Variants in NUDT3 observed in about 807,000 individuals in gnomAD.
The protein encoded by NUDT3 is diphosphoinositol polyphosphate phosphohydrolase 1.
A neutral mutation model predicts 23.6 loss-of-function variants in NUDT3; 9 were observed. The observed-to-expected ratio is 0.38, with a 90% CI of 0.23 to 0.66. NUDT3 has a LOEUF of 0.66. NUDT3 is among the 30% of genes least tolerant of loss of function. The probability of loss-of-function intolerance (pLI) is 0.52; values close to 1 mark genes in which losing one functional copy is unlikely to be tolerated. For synonymous variants in NUDT3, 86 were observed against 82.6 expected (o/e 1.04, Z -0.22); for missense variants, 172 against 218.5 (o/e 0.79, Z 1.34).
At chr6:34,382,344 A>C (rs1765033876) in intron 1 of NUDT3, among the ~76,000 whole-genome samples, 1 of 152,098 alleles carries the variant, frequency 6.6e-6, no homozygotes, top group Admixed American at 6.6e-5. Flanking sequence ...TTGGGGCTGC[A>C]TTGAGCTATG....
rs1387068644 is a variant in NUDT3 at position 34,293,513 on chromosome 6, G to A, written c.278C>T (p.Thr93Met). ...IFENQERKHR[T>M]YVYVLIVTEV... ...AGTGACAATGAGCACATAGACATAC[G>A]TCCTGTGCTTCCTCTCCTGGTTCTG... Residue 93 changes from threonine (T) to methionine (M), a missense_variant, in exon 4 of 5, where the codon ACG becomes ATG. By Grantham distance (81) the Thr-to-Met change is moderately conservative. Coordinates refer to ENST00000607016, the MANE Select transcript of NUDT3 (RefSeq NM_006703.4). The A allele has an allele frequency of 1.9e-6, 3 of 1,614,144 alleles. No homozygotes were observed. The highest frequency in any genetic ancestry group is 2.5e-6 in the Non-Finnish European group (3 of 1,180,002).
At chr6:34,300,206 T>C (rs1487786167) in intron 2 of NUDT3, among the ~76,000 whole-genome samples, 1 of 152,180 alleles carries the variant, frequency 6.6e-6, no homozygotes, top group Non-Finnish European at 1.5e-5. Flanking sequence ...ATGTGGGTGA[T>C]GGCCCTTTGA....
intron 4 of NUDT3, among the ~76,000 whole-genome samples, chr6:34,289,831 G>A (rs1053214599): frequency 1.2e-4 from 18 of 151,856 alleles, no homozygotes; most frequent in African/African-American, 4.1e-4. Context: ...TTATAAACCA[G>A]AAAAAACCAC....
At chr6:34,336,334 C>A (rs1764209044) in intron 2 of NUDT3, among the ~76,000 whole-genome samples, 1 of 152,046 alleles carries the variant, frequency 6.6e-6, no homozygotes, top group South Asian at 2.1e-4. Flanking sequence ...TGTTGCTGCT[C>A]CTAATCCCTG....
Position 34,351,198 on chromosome 6 carries a change from TAAAAAAAAAAAA to T in NUDT3, c.100-9238_100-9227del, listed in dbSNP as rs71000051. ...GACCTCGTCTCTACACTCCCCTGCC[TAAAAAAAAAAAA>T]AAAAAAAAAAAAAAAACACTTTGGG... On this transcript the variant is annotated intron_variant, in intron 1 of 4. Transcript: ENST00000607016. Among the ~76,000 whole-genome samples the T allele has an allele frequency of 2.4e-3, 43 of 17,894 alleles. 4 individuals are homozygous for T. Among genetic ancestry groups the T allele is most frequent in the Non-Finnish European group, 3.4e-3 (30 of 8,852 alleles). The allele number at this position is 17,894 out of a possible 152,430, so 11.7% of individuals were successfully genotyped here.
chr6:34,330,218 T>C (rs961213069), intron 2 of NUDT3, among the ~76,000 whole-genome samples: 6 of 152,222 alleles, frequency 3.9e-5, no homozygotes, highest in African/African-American at 1.4e-4. Context: ...CCTTGAAGAA[T>C]CACCATGCTG....
chr6:34,384,821 C>A (rs1765078383), intron 1 of NUDT3, among the ~76,000 whole-genome samples: 1 of 150,940 alleles, frequency 6.6e-6, no homozygotes. Context: ...CGCTTGAGCT[C>A]AGGAGTTCAA....
At chr6:34,323,046 C>T (rs1159941529) in intron 2 of NUDT3, among the ~76,000 whole-genome samples, 1 of 152,058 alleles carries the variant, frequency 6.6e-6, no homozygotes, top group African/African-American at 2.4e-5. Flanking sequence ...GGGAGTTAAA[C>T]ACTGGGTACA....
chr6:34,379,381 G>A (rs933132463), intron 1 of NUDT3, among the ~76,000 whole-genome samples: 4 of 151,744 alleles, frequency 2.6e-5, no homozygotes, highest in African/African-American at 7.3e-5. Context: ...CCAACATGGC[G>A]AAACCCCATC....
intron 2 of NUDT3, among the ~76,000 whole-genome samples, chr6:34,297,741 ATATATATATATATATATAATTTT>A (rs1561898982): frequency 1.2e-4 from 12 of 100,886 alleles, no homozygotes; most frequent in African/African-American, 5.9e-4. Context: ...ATATATATAT[ATATATATATATATATATAATTTT>A]TTTTTTTTTT....
intron 3 of NUDT3, among the ~76,000 whole-genome samples, chr6:34,295,260 A>C (rs7765498): frequency 0.34 from 50,922 of 151,802 alleles, 10,490 homozygotes; most frequent in African/African-American, 0.55. Flanking sequence ...TGGTGGCTGA[A>C]GCCTGTAATC....
chr6:34,323,499 A>AAGCAGTAAGCTT (rs1330361369), intron 2 of NUDT3, among the ~76,000 whole-genome samples: 6 of 152,112 alleles, frequency 3.9e-5, no homozygotes, highest in Non-Finnish European at 8.8e-5. Context: ...CCTGGGCGGT[A>AAGCAGTAAGCTT]GACGTGACAG....
At chr6:34,296,260 C>T (rs553708308) in intron 2 of NUDT3, among the ~76,000 whole-genome samples, 2 of 151,930 alleles carry the variant, frequency 1.3e-5, no homozygotes, top group Admixed American at 6.6e-5. Flanking sequence ...CAAAGTGAGA[C>T]CATGTCTCAA....
intron 2 of NUDT3, among the ~76,000 whole-genome samples, chr6:34,339,718 T>A (rs1764260453): frequency 6.6e-6 from 1 of 152,212 alleles, no homozygotes; most frequent in Non-Finnish European, 1.5e-5. Context: ...AATGGCAGAG[T>A]TAAATAGCTG....
intron 1 of NUDT3, among the ~76,000 whole-genome samples, chr6:34,360,916 C>T (rs1014962690): frequency 2.0e-5 from 3 of 152,086 alleles, no homozygotes; most frequent in African/African-American, 7.2e-5. Flanking sequence ...GAACAGACAC[C>T]TCATGAAGAA....
At chr6:34,383,959 G>C (rs950902534) in intron 1 of NUDT3, among the ~76,000 whole-genome samples, 11 of 152,184 alleles carry the variant, frequency 7.2e-5, no homozygotes, top group Admixed American at 1.3e-4. Context: ...CATGATCTTA[G>C]AGCAATGTAA....
chr6:34,307,744 A>C (rs1763703650), intron 2 of NUDT3, among the ~76,000 whole-genome samples: 1 of 152,166 alleles, frequency 6.6e-6, no homozygotes, highest in Non-Finnish European at 1.5e-5. Context: ...ACAGAGAACA[A>C]AGGGCAATGG....
At chr6:34,316,913 G>C (rs980572610) in intron 2 of NUDT3, among the ~76,000 whole-genome samples, 3 of 152,154 alleles carry the variant, frequency 2.0e-5, no homozygotes, top group African/African-American at 7.2e-5. Context: ...CTACTGTGTT[G>C]AAAGTAGTAG....
intron 1 of NUDT3, among the ~76,000 whole-genome samples, chr6:34,364,575 C>T (rs536676430): frequency 6.6e-6 from 1 of 152,308 alleles, no homozygotes; most frequent in South Asian, 2.1e-4. Flanking sequence ...AAATCCTCTC[C>T]ATTCTTCACA....
Sources: gnomAD v4.1 joint callset for allele counts (sites outside exome capture counted in the v4.1 genomes callset) on GRCh38, gnomAD v4.1.1 for gene constraint, MANE v1.5 for transcripts, NCBI Gene and HGNC (gene_info 2026-07-23, HGNC 2026-07-21) for gene names.